Variants in PSMB1 observed in about 807,000 individuals in gnomAD.
PSMB1 encodes the protein proteasome subunit beta type-1.
In PSMB1, 7 loss-of-function variants were observed where a neutral mutation model predicts 25.4. The ratio of observed to expected loss-of-function variants is 0.28; its 90% CI spans 0.16 to 0.52. The LOEUF (loss-of-function observed/expected upper bound fraction) is 0.52, where lower values mean the gene tolerates loss of function less well. Ranked by LOEUF, PSMB1 falls within the 20% of genes least tolerant of loss-of-function variation. The pLI, the probability that PSMB1 is intolerant of heterozygous loss-of-function variation, is 0.97. For missense variants in PSMB1, 284 were observed against 302.2 expected, an observed-to-expected ratio of 0.94 and a Z score of 0.45; for synonymous variants, 119 against 115.0, an observed-to-expected ratio of 1.03 and a Z score of -0.22.
Position 170,551,727 on chromosome 6 carries a change from A to G in PSMB1, c.113+1403T>C, listed in dbSNP as rs1470453064. Reference sequence around the variant, plus strand: ...GCATCCATAAACTCAGTGGTGAAATAGCTATGAATTAAGTCCTGGCTCAAC... The same window carrying G: ...GCATCCATAAACTCAGTGGTGAAATGGCTATGAATTAAGTCCTGGCTCAAC... On this transcript the variant is annotated intron_variant, in intron 1 of 5. Transcript: ENST00000262193. Among the ~76,000 whole-genome samples, 4 of 152,216 alleles carry G rather than the reference A, an allele frequency of 2.6e-5. No homozygotes were observed. In the South Asian group the frequency reaches 6.2e-4, roughly 24 times the overall value.
In PSMB1 at chr6:170,553,207, G is replaced by A. The variant is rs749310290; in HGVS notation, c.36C>T (p.Gly12=). 1 of 1,613,808 alleles carries A rather than the reference G, an allele frequency of 6.2e-7. No homozygotes were observed. The highest frequency in any genetic ancestry group is 1.1e-5 in the South Asian group (1 of 90,970). Residue 12 remains glycine, a synonymous_variant, in exon 1 of 6, where the codon GGC becomes GGT. Coordinates refer to ENST00000262193, the MANE Select transcript of PSMB1 (RefSeq NM_002793.4). ...TGTGCGGTTCCATCCCCAAGTCTCT[G>A]CCAGGAGCCGAATACATGGCTGTAG... ...LSSTAMYSAP[G]RDLGMEPHRA...
At chr6:170,548,295 C>G (rs182232369) in intron 2 of PSMB1, among the ~76,000 whole-genome samples, 37 of 152,216 alleles carry the variant, frequency 2.4e-4, no homozygotes, top group Admixed American at 2.0e-3. Context: ...TTTAATTAAC[C>G]CAGGAATTCA....
intron 2 of PSMB1, 98 bp downstream of exon 2, chr6:170,548,908 T>C: frequency 1.1e-6 from 1 of 947,222 alleles, no homozygotes; most frequent in Non-Finnish European, 1.6e-6. Flanking sequence ...CAACAGCAAC[T>C]TAAAAACTCA....
intron 5 of PSMB1, among the ~76,000 whole-genome samples, chr6:170,536,894 G>A (rs935677627): frequency 2.1e-4 from 32 of 151,516 alleles, no homozygotes; most frequent in Non-Finnish European, 3.8e-4. Flanking sequence ...AACACAGAAA[G>A]GGGGGGTAAG....
At chr6:170,539,211 C>G (rs1338613870) in intron 4 of PSMB1, among the ~76,000 whole-genome samples, 1 of 152,076 alleles carries the variant, frequency 6.6e-6, no homozygotes, top group African/African-American at 2.4e-5. Context: ...AAAATAAAAT[C>G]AGACAAGTCT....
At chr6:170,538,814 G>C (rs1439085690) in intron 4 of PSMB1, among the ~76,000 whole-genome samples, 1 of 152,214 alleles carries the variant, frequency 6.6e-6, no homozygotes, top group African/African-American at 2.4e-5. Context: ...CAAGACATGA[G>C]ATCACAGCAG....
At chr6:170,542,541 C>A (rs1014089954) in intron 4 of PSMB1, among the ~76,000 whole-genome samples, 4 of 152,176 alleles carry the variant, frequency 2.6e-5, no homozygotes, top group African/African-American at 9.7e-5. Context: ...TGAGAAATTA[C>A]CCCTGTTGCT....
rs140706179 is a variant in PSMB1, at chr6:170,552,668, T to C, written c.113+462A>G. Among the ~76,000 whole-genome samples, 1,021 of 152,348 alleles carry C rather than the reference T, an allele frequency of 6.7e-3. 9 individuals are homozygous for C. Among genetic ancestry groups the C allele is most frequent in the African/African-American group, 0.024 (991 of 41,586 alleles). On this transcript the variant is annotated intron_variant, in intron 1 of 5. Transcript: ENST00000262193. ...GACATCTCGGCTACCAACCCAGCTA[T>C]GCATCTAACAACACAGACCAAACAA...
chr6:170,542,150 A>G (rs1778765049), intron 4 of PSMB1, among the ~76,000 whole-genome samples: 1 of 152,160 alleles, frequency 6.6e-6, no homozygotes, highest in Non-Finnish European at 1.5e-5. Context: ...AAAGCCTTAA[A>G]AAGAAATTGT....
rs1583112371 is a variant in PSMB1, at chr6:170,537,489, C to G, written c.434-149G>C. On this transcript the variant is annotated intron_variant, in intron 4 of 5. Transcript: ENST00000262193. Reference sequence around the variant, plus strand: ...CAGTTGGAACACAGCCACTGTTGCACTGGTGACAGCTGCAGCACACACACT... The same window carrying G: ...CAGTTGGAACACAGCCACTGTTGCAGTGGTGACAGCTGCAGCACACACACT... 2.4e-5 allele frequency: 15 copies of G among 628,742 alleles called. No homozygotes were observed. In the East Asian group the frequency reaches 4.2e-4, roughly 18 times the overall value. The allele number at this position is 628,742 out of a possible 1,614,324, so 38.9% of individuals were successfully genotyped here. A position where few individuals can be genotyped will look rare whatever the true frequency, so the allele number is the denominator to read the frequency against.
At chr6:170,540,724 C>A (rs12211760) in intron 4 of PSMB1, among the ~76,000 whole-genome samples, 5,851 of 145,890 alleles carry the variant, frequency 0.04, 143 homozygotes, top group Middle Eastern at 0.093. Flanking sequence ...AGAAAGTAAA[C>A]AGGATTTTTT....
intron 1 of PSMB1, chr6:170,549,389 C>CTT (rs1778863177): frequency 2.8e-6 from 1 of 361,780 alleles, no homozygotes; most frequent in Admixed American, 4.3e-5. Context: ...ACATTAAATA[C>CTT]TTACTCGCGC....
chr6:170,543,464 AT>A, intron 4 of PSMB1, 136 bp downstream of exon 4: 1 of 950,740 alleles, frequency 1.1e-6, no homozygotes, highest in Non-Finnish European at 1.5e-6. Flanking sequence ...CAGTTTCTTC[AT>A]CACTTTCATT....
chr6:170,552,518 T>TA (rs5881875), intron 1 of PSMB1, among the ~76,000 whole-genome samples: 48 of 149,722 alleles, frequency 3.2e-4, no homozygotes, highest in Admixed American at 1.1e-3. Flanking sequence ...AGCTAAACGT[T>TA]AAAAAAAAAA....
intron 1 of PSMB1, among the ~76,000 whole-genome samples, chr6:170,551,426 G>A (rs1057116919): frequency 8.5e-5 from 13 of 152,132 alleles, no homozygotes; most frequent in Non-Finnish European, 1.8e-4. Flanking sequence ...CTCATTTTGC[G>A]GAAGCGAAGG....
chr6:170,545,774 GCTCT>G (rs1254427336), intron 3 of PSMB1, among the ~76,000 whole-genome samples: 1 of 152,168 alleles, frequency 6.6e-6, no homozygotes, highest in East Asian at 1.9e-4. Flanking sequence ...TCTTTCCTGG[GCTCT>G]CTCCTGCCAC....
At chr6:170,541,621 AAGAT>A (rs1361774800) in intron 4 of PSMB1, among the ~76,000 whole-genome samples, 6 of 152,234 alleles carry the variant, frequency 3.9e-5, no homozygotes. Flanking sequence ...ATGGAAAAAA[AAGAT>A]AGAGGACTGC....
At chr6:170,549,985 G>C (rs575454308) in intron 1 of PSMB1, 1 of 152,288 alleles carries the variant, frequency 6.6e-6, no homozygotes, top group African/African-American at 2.4e-5. Flanking sequence ...ATGTGATCTT[G>C]GACAAATCCT....
intron 1 of PSMB1, among the ~76,000 whole-genome samples, chr6:170,552,224 T>C (rs1778912745): frequency 6.6e-6 from 1 of 152,196 alleles, no homozygotes; most frequent in Admixed American, 6.5e-5. Context: ...GCCAATATTT[T>C]CTGTTTTAAG....
Sources: gnomAD v4.1 joint callset for allele counts (sites outside exome capture counted in the v4.1 genomes callset) on GRCh38, gnomAD v4.1.1 for gene constraint, MANE v1.5 for transcripts, NCBI Gene and HGNC (gene_info 2026-07-23, HGNC 2026-07-21) for gene names.